ETV6: variants seen among roughly 807,000 people sequenced by gnomAD.
ETV6 encodes the protein ETS variant transcription factor 6.
In ETV6, 16 loss-of-function variants were observed where a neutral mutation model predicts 51.1. The observed-to-expected ratio is 0.31, with a 90% confidence interval of 0.21 to 0.48. ETV6 has a LOEUF of 0.48. Among genes scored for constraint, ETV6 ranks in the 20% least tolerant of loss-of-function variants. The probability of loss-of-function intolerance (pLI) is 0.99; values close to 1 mark genes in which losing one functional copy is unlikely to be tolerated. For synonymous variants in ETV6, 240 were observed against 224.1 expected (o/e 1.07, Z -0.64); for missense variants, 458 against 594.8 (o/e 0.77, Z 2.39).
intron 1 of ETV6, among the ~76,000 whole-genome samples, chr12:11,750,382 T>A (rs1037481807): frequency 6.6e-6 from 1 of 152,198 alleles, no homozygotes; most frequent in Non-Finnish European, 1.5e-5. Flanking sequence ...CCAGCTTGCC[T>A]TGGTGGAGTT....
Position 11,827,112 on chromosome 12 carries a change from A to AC in ETV6, c.164-12028_164-12027insC, listed in dbSNP as rs1565541303. 2.8e-4 allele frequency among the ~76,000 whole-genome samples: 42 copies of AC among 150,026 alleles called. 1 individual carries two copies. The highest frequency in any genetic ancestry group is 3.4e-3 in the Middle Eastern group (1 of 294). Reference sequence around the variant, plus strand: ...CACACACACACACACACACACACACAAATGCAACACAATTATCTTTAAATA... The same window carrying AC: ...CACACACACACACACACACACACACACAATGCAACACAATTATCTTTAAATA... On this transcript the variant is annotated intron_variant, in intron 2 of 7. Transcript: ENST00000396373.
intron 4 of ETV6, among the ~76,000 whole-genome samples, chr12:11,855,137 T>C (rs1384938177): frequency 4.0e-3 from 115 of 28,842 alleles, no homozygotes; most frequent in Middle Eastern, 0.025. Flanking sequence ...CTACTAAAAA[T>C]ACAAAAAAAA....
chr12:11,816,431 G>C (rs1158043939), intron 2 of ETV6, among the ~76,000 whole-genome samples: 3 of 152,076 alleles, frequency 2.0e-5, no homozygotes, highest in Admixed American at 6.5e-5. Flanking sequence ...ATTTTTGGTA[G>C]AGACGGGGGT....
In ETV6 at chr12:11,704,574, T is replaced by A. The variant is rs954801631; in HGVS notation, c.34-47876T>A. ...GTTGGCCAGGCTAGTCTCAAACTCC[T>A]AACCTCAAGTGTTCCGCCCACCTTG... On this transcript the variant is annotated intron_variant, in intron 1 of 7. Coordinates refer to ENST00000396373, the MANE Select transcript of ETV6 (RefSeq NM_001987.5). Among the ~76,000 whole-genome samples the A allele has an allele frequency of 2.0e-5, 3 of 152,206 alleles. No individual in the cohort carries two copies. In the South Asian group the frequency reaches 6.2e-4, roughly 32 times the overall value.
chr12:11,713,016 A>T (rs993678735), intron 1 of ETV6, among the ~76,000 whole-genome samples: 1 of 152,002 alleles, frequency 6.6e-6, no homozygotes, highest in African/African-American at 2.4e-5. Context: ...TTCACCTCCC[A>T]CCTGCTACCT....
In ETV6 at chr12:11,855,721, G is replaced by A. The variant is rs535627672; in HGVS notation, c.463+2160G>A. Among the ~76,000 whole-genome samples, 4 of 152,276 alleles carry A rather than the reference G, an allele frequency of 2.6e-5. No homozygotes were observed. In the East Asian group the frequency reaches 7.7e-4, roughly 29 times the overall value. ...GCCCCTCGCTTCCGTGATGGAGAAC[G>A]AACAGCATTTCGTGCACGCTCCCTG... is the stretch of plus-strand genomic sequence containing the variant. On this transcript the variant is annotated intron_variant, in intron 4 of 7. Coordinates refer to ENST00000396373, the MANE Select transcript of ETV6 (RefSeq NM_001987.5).
At chr12:11,743,257 T>C (rs899940664) in intron 1 of ETV6, among the ~76,000 whole-genome samples, 28 of 152,246 alleles carry the variant, frequency 1.8e-4, no homozygotes, top group Non-Finnish European at 3.8e-4. Flanking sequence ...AAAATTATTT[T>C]GGTAGTAAAC....
intron 1 of ETV6, among the ~76,000 whole-genome samples, chr12:11,726,977 G>C (rs992366978): frequency 3.3e-5 from 5 of 152,216 alleles, no homozygotes; most frequent in African/African-American, 9.7e-5. Flanking sequence ...TTGGGACCAA[G>C]TTACTTGTGC....
chr12:11,790,957 A>C (rs1945578006), intron 2 of ETV6, among the ~76,000 whole-genome samples: 1 of 152,122 alleles, frequency 6.6e-6, no homozygotes. Flanking sequence ...CTGGGATTGC[A>C]GCTGTGAGCC....
chr12:11,693,339 T>G (rs1864805630), intron 1 of ETV6, among the ~76,000 whole-genome samples: 1 of 152,200 alleles, frequency 6.6e-6, no homozygotes. Flanking sequence ...GTACTTGTGT[T>G]TCTGTGAGTC....
At chr12:11,680,188 G>A (rs1864499785) in intron 1 of ETV6, among the ~76,000 whole-genome samples, 1 of 152,212 alleles carries the variant, frequency 6.6e-6, no homozygotes, top group African/African-American at 2.4e-5. Context: ...GCATTCCCAT[G>A]AGAACCAAAT....
At chr12:11,828,833 G>A (rs530584923) in intron 2 of ETV6, among the ~76,000 whole-genome samples, 2 of 152,026 alleles carry the variant, frequency 1.3e-5, no homozygotes, top group Non-Finnish European at 2.9e-5. Context: ...AAATGTTGAT[G>A]CTTACGTCAC....
intron 1 of ETV6, among the ~76,000 whole-genome samples, chr12:11,715,332 G>T (rs1865254274): frequency 6.6e-6 from 1 of 151,892 alleles, no homozygotes; most frequent in South Asian, 2.1e-4. Flanking sequence ...AGAGAAGGAG[G>T]CCAAGGTATG....
At chr12:11,861,585 A>G (rs1053203826) in intron 4 of ETV6, among the ~76,000 whole-genome samples, 2 of 152,172 alleles carry the variant, frequency 1.3e-5, no homozygotes, top group Non-Finnish European at 2.9e-5. Flanking sequence ...TGCTCTCTTA[A>G]GCCAGAAGTT....
In ETV6 at chr12:11,658,570, G is replaced by C. The variant is rs75414716; in HGVS notation, c.33+8410G>C. Among the ~76,000 whole-genome samples, 3 of 152,320 alleles carry C rather than the reference G, an allele frequency of 2.0e-5. No homozygotes were observed. In the East Asian group the frequency reaches 5.8e-4, roughly 29 times the overall value. ...GATGTTAATGGCCTTGCTCAAGCTCGTGTGGCTAGTTGGTGGTGCCATCTG... is the reference window on the plus strand; with the variant it reads ...GATGTTAATGGCCTTGCTCAAGCTCCTGTGGCTAGTTGGTGGTGCCATCTG... On this transcript the variant is annotated intron_variant, in intron 1 of 7. Coordinates refer to ENST00000396373, the MANE Select transcript of ETV6 (RefSeq NM_001987.5).
At chr12:11,788,756 GTTT>G (rs1336998892) in intron 2 of ETV6, among the ~76,000 whole-genome samples, 26 of 102,488 alleles carry the variant, frequency 2.5e-4, no homozygotes, top group African/African-American at 6.7e-4. Flanking sequence ...GCTTGTATTG[GTTT>G]TTTTTTTTTT....
chr12:11,761,667 A>G (rs1267967796), intron 2 of ETV6, among the ~76,000 whole-genome samples: 1 of 152,206 alleles, frequency 6.6e-6, no homozygotes, highest in Non-Finnish European at 1.5e-5. Flanking sequence ...CAACAGGGTA[A>G]GAGGGCAGAG....
chr12:11,862,826 A>G (rs1182000844), intron 4 of ETV6, among the ~76,000 whole-genome samples: 1 of 152,224 alleles, frequency 6.6e-6, no homozygotes, highest in Non-Finnish European at 1.5e-5. Flanking sequence ...CATAATGGGC[A>G]TAAGAGACCG....
rs565568031 is a variant in ETV6, at chr12:11,686,558, C to T, written c.33+36398C>T. 3.1e-4 allele frequency among the ~76,000 whole-genome samples: 47 copies of T among 152,264 alleles called. No homozygotes were observed. The South Asian group carries it at 9.3e-3, about 30-fold the overall frequency. On this transcript the variant is annotated intron_variant, in intron 1 of 7. Coordinates refer to ENST00000396373, the MANE Select transcript of ETV6 (RefSeq NM_001987.5). ...TGACTTTTTTTTTGAGATGCAGTCT[C>T]GCTCTGTTGCCTAGGCTGGAGTGCA...
Sources: allele counts gnomAD v4.1 joint callset (sites outside exome capture counted in the v4.1 genomes callset), GRCh38; gene constraint gnomAD v4.1.1; transcripts MANE v1.5; gene names NCBI Gene and HGNC (gene_info 2026-07-23, HGNC 2026-07-21).